The following SNTG1 variants were observed in gnomAD, a reference collection of about 807,000 sequenced individuals.
SNTG1 encodes the protein gamma-1-syntrophin.
Under a neutral mutation model 74.7 loss-of-function variants are expected in SNTG1, and 39 were observed. That is an observed-to-expected ratio of 0.52 (90% CI 0.40 to 0.68). The LOEUF is 0.68. SNTG1 is among the 30% of genes least tolerant of loss of function. The pLI is 0.00. For missense variants in SNTG1, 685 were observed against 609.5 expected (o/e 1.12, Z -1.30); for synonymous variants, 254 against 217.1 (o/e 1.17, Z -1.49).
chr8:50,239,875 C>T (rs2129640441), intron 2 of SNTG1, among the ~76,000 whole-genome samples: 1 of 152,188 alleles, frequency 6.6e-6, no homozygotes, highest in Non-Finnish European at 1.5e-5. Flanking sequence ...CTTTCCAGAC[C>T]TCGGTCTCAA....
intron 2 of SNTG1, among the ~76,000 whole-genome samples, chr8:50,271,350 CAGAA>C (rs2087769511): frequency 6.6e-6 from 1 of 152,106 alleles, no homozygotes; most frequent in Non-Finnish European, 1.5e-5. Flanking sequence ...ATCTAAGACT[CAGAA>C]AGGTTTTAGG....
chr8:50,215,770 A>C (rs1197387710), intron 2 of SNTG1, among the ~76,000 whole-genome samples: 1 of 152,058 alleles, frequency 6.6e-6, no homozygotes, highest in African/African-American at 2.4e-5. Context: ...CTTTCTAGAA[A>C]GTTTTCAGAA....
intron 2 of SNTG1, among the ~76,000 whole-genome samples, chr8:50,254,406 AT>A (rs1205511443): frequency 2.6e-5 from 4 of 152,206 alleles, no homozygotes; most frequent in Non-Finnish European, 5.9e-5. Flanking sequence ...GCTTTGAAAT[AT>A]CATCCTTATG....
At chr8:50,344,890 G>C (rs1338256404) in intron 2 of SNTG1, among the ~76,000 whole-genome samples, 1 of 152,122 alleles carries the variant, frequency 6.6e-6, no homozygotes. Context: ...GATTAAATGA[G>C]GTTCTTAAAG....
At chr8:50,754,770 G>A (rs956012816) in intron 18 of SNTG1, among the ~76,000 whole-genome samples, 2 of 151,708 alleles carry the variant, frequency 1.3e-5, no homozygotes, top group African/African-American at 4.8e-5. Flanking sequence ...CTGATTTGAA[G>A]TGTCCTTTCT....
At chr8:50,048,908 C>G (rs1819326640) in intron 1 of SNTG1, among the ~76,000 whole-genome samples, 1 of 151,858 alleles carries the variant, frequency 6.6e-6, no homozygotes, top group African/African-American at 2.4e-5. Flanking sequence ...AAATTTGCTA[C>G]CTAATTTTAA....
intron 2 of SNTG1, among the ~76,000 whole-genome samples, chr8:50,207,951 T>C (rs1356995691): frequency 2.0e-5 from 3 of 152,214 alleles, no homozygotes; most frequent in African/African-American, 7.2e-5. Flanking sequence ...TAATTTCTGT[T>C]CTTTTACATT....
At chr8:50,524,639 A>G (rs969240283) in intron 9 of SNTG1, among the ~76,000 whole-genome samples, 2 of 151,698 alleles carry the variant, frequency 1.3e-5, no homozygotes, top group Admixed American at 6.6e-5. Flanking sequence ...AAAATATTAC[A>G]CAACAATAAA....
intron 3 of SNTG1, among the ~76,000 whole-genome samples, chr8:50,399,277 G>T (rs1187118700): frequency 6.6e-6 from 1 of 152,010 alleles, no homozygotes; most frequent in South Asian, 2.1e-4. Context: ...TTTATTTTCT[G>T]CAACTCTTGT....
intron 1 of SNTG1, among the ~76,000 whole-genome samples, chr8:50,100,820 G>T (rs1389834753): frequency 6.6e-6 from 1 of 151,990 alleles, no homozygotes; most frequent in Admixed American, 6.6e-5. Context: ...TCCATGTGCA[G>T]GTTTGTTTTA....
intron 12 of SNTG1, 23 bp from the exon 13 acceptor site, chr8:50,590,856 T>C: frequency 6.7e-7 from 1 of 1,492,228 alleles, no homozygotes; most frequent in East Asian, 2.4e-5. Context: ...CTTCTCACTT[T>C]TATTATTTAT....
chr8:50,145,988 G>A lies in SNTG1; in HGVS notation c.-102-26573G>A, dbSNP rs187736261. ...TAATAATAATAAAAAAAAAAAGAAT[G>A]TTAGGTGGAAACTTGTAGAAATATA... On this transcript the variant is annotated intron_variant, in intron 1 of 18. Coordinates refer to ENST00000642720, the MANE Select transcript of SNTG1 (RefSeq NM_018967.5). Among the ~76,000 whole-genome samples the A allele has an allele frequency of 1.7e-3, 263 of 151,332 alleles. 1 individual carries two copies. The highest frequency in any genetic ancestry group is 6.0e-3 in the African/African-American group (247 of 41,312).
chr8:50,217,346 G>C (rs2084840999), intron 2 of SNTG1, among the ~76,000 whole-genome samples: 1 of 151,902 alleles, frequency 6.6e-6, no homozygotes, highest in African/African-American at 2.4e-5. Context: ...CAATCACTGG[G>C]AAGACAGCCC....
chr8:50,679,709 G>T (rs983453701), intron 15 of SNTG1, among the ~76,000 whole-genome samples: 1 of 152,122 alleles, frequency 6.6e-6, no homozygotes, highest in African/African-American at 2.4e-5. Flanking sequence ...AGAATAAGTT[G>T]TCCTCCCAGG....
In SNTG1 at chr8:50,458,779, T is replaced by TCTA. The variant is rs1428301454; in HGVS notation, c.363+8052_363+8053insACT. On this transcript the variant is annotated intron_variant, in intron 8 of 18. Transcript: ENST00000642720. The stretch of plus-strand genomic sequence containing the variant: ...ATCACTTTTATTAATTGGGTTCACT[T>TCTA]CTTACTGATTTCTAAGAGTTTGTTT... Among the ~76,000 whole-genome samples, 9 of 151,942 alleles carry TCTA rather than the reference T, an allele frequency of 5.9e-5. 1 individual carries two copies. The highest frequency in any genetic ancestry group is 1.7e-4 in the African/African-American group (7 of 41,450).
At chr8:50,261,956 A>G (rs1241824087) in intron 2 of SNTG1, among the ~76,000 whole-genome samples, 3 of 152,170 alleles carry the variant, frequency 2.0e-5, no homozygotes, top group Non-Finnish European at 4.4e-5. Flanking sequence ...AATGGTCTCT[A>G]TGCACCTATT....
intron 1 of SNTG1, among the ~76,000 whole-genome samples, chr8:50,108,327 A>G (rs899606968): frequency 4.6e-5 from 7 of 152,194 alleles, no homozygotes; most frequent in Non-Finnish European, 1.5e-5. Context: ...GAGATATTAC[A>G]AAGTACAAGA....
intron 15 of SNTG1, among the ~76,000 whole-genome samples, chr8:50,663,292 G>A (rs2095234269): frequency 6.6e-6 from 1 of 152,108 alleles, no homozygotes; most frequent in South Asian, 2.1e-4. Context: ...TAAAGCACAT[G>A]AACTTTATCT....
rs114418982 is a variant in SNTG1 at position 50,142,608 on chromosome 8, G to A, written c.-102-29953G>A. 7.3e-3 allele frequency among the ~76,000 whole-genome samples: 1,108 copies of A among 152,096 alleles called. 14 individuals are homozygous for A. Among genetic ancestry groups the A allele is most frequent in the African/African-American group, 0.025 (1,018 of 41,518 alleles). ...ATAACATTGTAGTTAGGTTTATTCA[G>A]GAAGAGATAAGGTTTTGTTAAAGAA... is the stretch of plus-strand genomic sequence containing the variant. On this transcript the variant is annotated intron_variant, in intron 1 of 18. Transcript: ENST00000642720.
Sources: allele counts gnomAD v4.1 joint callset (sites outside exome capture counted in the v4.1 genomes callset), GRCh38; gene constraint gnomAD v4.1.1; transcripts MANE v1.5; gene names NCBI Gene and HGNC (gene_info 2026-07-23, HGNC 2026-07-21).